ADAM19: variants seen among roughly 807,000 people sequenced by gnomAD.
The protein encoded by ADAM19 is ADAM metallopeptidase domain 19, also known as disintegrin and metalloproteinase domain-containing protein 19.
Under a neutral mutation model 114.7 loss-of-function variants are expected in ADAM19, and 65 were observed. The ratio of observed to expected loss-of-function variants is 0.57; its 90% confidence interval spans 0.46 to 0.70. ADAM19 has a LOEUF of 0.70. Ranked by LOEUF, ADAM19 falls within the 30% of genes least tolerant of loss-of-function variation. The pLI, the probability that ADAM19 is intolerant of heterozygous loss-of-function variation, is 0.00. For missense variants in ADAM19, 1,063 were observed against 1,204.7 expected, an observed-to-expected ratio of 0.88 and a Z score of 1.74; for synonymous variants, 466 against 460.5, an observed-to-expected ratio of 1.01 and a Z score of -0.15.
At chr5:157,531,324 A>G (rs1756618019) in intron 4 of ADAM19, among the ~76,000 whole-genome samples, 1 of 152,306 alleles carries the variant, frequency 6.6e-6, no homozygotes, top group Admixed American at 6.5e-5. Context: ...CCACCTCAGA[A>G]TGTGATTTAT....
chr5:157,490,661 C>T (rs1476062090), intron 18 of ADAM19, among the ~76,000 whole-genome samples: 3 of 152,056 alleles, frequency 2.0e-5, no homozygotes, highest in Non-Finnish European at 2.9e-5. Context: ...TGGGAGGCCG[C>T]GGTCAGCAGA....
intron 11 of ADAM19, among the ~76,000 whole-genome samples, chr5:157,503,989 T>TAAA (rs1397060318): frequency 1.3e-5 from 2 of 152,186 alleles, no homozygotes; most frequent in African/African-American, 4.8e-5. Context: ...CTAAACCAAT[T>TAAA]AAAGGTTAAA....
At position 157,478,854 on chromosome 5, in the gene ADAM19, C is replaced by G; in HGVS notation, c.*2095G>C. On this transcript the variant is annotated 3_prime_UTR_variant, in exon 23 of 23. Coordinates refer to ENST00000257527, the MANE Select transcript of ADAM19 (RefSeq NM_033274.5). ...GGGTGGACTGCAGGTTCAGATGGCTCATGCAGTCACTATGGCTGTGGCGCT... is the reference window on the plus strand; with the variant it reads ...GGGTGGACTGCAGGTTCAGATGGCTGATGCAGTCACTATGGCTGTGGCGCT... 1 of 985,822 alleles carries G rather than the reference C, an allele frequency of 1.0e-6. No individual in the cohort carries two copies. Among genetic ancestry groups the G allele is most frequent in the Non-Finnish European group, 1.2e-6 (1 of 829,940 alleles). 61.1% of individuals were successfully genotyped at this position (985,822 alleles called of 1,614,324 possible).
intron 2 of ADAM19, among the ~76,000 whole-genome samples, chr5:157,570,089 ATCTCT>A (rs1354888593): frequency 6.6e-6 from 1 of 152,116 alleles, no homozygotes; most frequent in African/African-American, 2.4e-5. Flanking sequence ...GTGAAAACCC[ATCTCT>A]ACTAAAAATA....
intron 19 of ADAM19, 114 bp downstream of exon 19, chr5:157,490,196 A>C: frequency 2.5e-6 from 3 of 1,201,886 alleles, no homozygotes; most frequent in Non-Finnish European, 3.6e-6. Flanking sequence ...TGTATCTTGC[A>C]CTTGTCTTCC....
chr5:157,505,837 G>T (rs1284846643), intron 10 of ADAM19, 29 bp from the exon 11 acceptor site: 2 of 1,608,346 alleles, frequency 1.2e-6, no homozygotes, highest in Non-Finnish European at 8.5e-7. Flanking sequence ...TGAGGTCAAG[G>T]TCAAGGGGAC....
intron 21 of ADAM19, among the ~76,000 whole-genome samples, chr5:157,487,766 G>C (rs1754992275): frequency 6.6e-6 from 1 of 152,166 alleles, no homozygotes; most frequent in South Asian, 2.1e-4. Context: ...ATCAGTAGAA[G>C]GTACCAATAG....
At chr5:157,572,906 TG>T (rs765824256) in intron 1 of ADAM19, among the ~76,000 whole-genome samples, 12 of 151,958 alleles carry the variant, frequency 7.9e-5, no homozygotes, top group Non-Finnish European at 1.8e-4. Flanking sequence ...GAAAATTAGC[TG>T]GGTGTGGTGG....
rs1323303488 is a variant in ADAM19, at chr5:157,479,268, A to G, written c.*1681T>C. 2.0e-6 allele frequency: 2 copies of G among 985,714 alleles called. No individual in the cohort carries two copies. The highest frequency in any genetic ancestry group is 1.1e-4 in the East Asian group (1 of 8,822). The allele number at this position is 985,714 out of a possible 1,614,324, so 61.1% of individuals were successfully genotyped here. A position where few individuals can be genotyped will look rare whatever the true frequency, so the allele number is the denominator to read the frequency against. On this transcript the variant is annotated 3_prime_UTR_variant, in exon 23 of 23. Coordinates refer to ENST00000257527, the MANE Select transcript of ADAM19 (RefSeq NM_033274.5). ...ATCCCGTATTTTCCACTTATTTCCA[A>G]ACCCAAGAACATCCAAGAAGCACCT...
chr5:157,541,753 T>C (rs1756925294), intron 3 of ADAM19, among the ~76,000 whole-genome samples: 1 of 152,198 alleles, frequency 6.6e-6, no homozygotes, highest in Admixed American at 6.5e-5. Flanking sequence ...AAGTTCTATT[T>C]ATCGTCAGAC....
chr5:157,542,406 G>A (rs1171662437), intron 3 of ADAM19, among the ~76,000 whole-genome samples: 1 of 152,180 alleles, frequency 6.6e-6, no homozygotes, highest in South Asian at 2.1e-4. Context: ...ACCCAGCATA[G>A]AGGGAAAGTC....
chr5:157,479,809 C>G lies in ADAM19; in HGVS notation c.*1140G>C. Reference sequence around the variant, plus strand: ...CTCTGCTCAGAGGGCAACGGTCCAGCCCGAAGTCAATGACCAGCCTGCTCC... The same window carrying G: ...CTCTGCTCAGAGGGCAACGGTCCAGGCCGAAGTCAATGACCAGCCTGCTCC... On this transcript the variant is annotated 3_prime_UTR_variant, in exon 23 of 23. Coordinates refer to ENST00000257527, the MANE Select transcript of ADAM19 (RefSeq NM_033274.5). The G allele has an allele frequency of 1.0e-6, 1 of 985,554 alleles. No individual in the cohort carries two copies. Among genetic ancestry groups the G allele is most frequent in the Non-Finnish European group, 1.2e-6 (1 of 829,992 alleles). The allele number at this position is 985,554 out of a possible 1,614,324, so 61.1% of individuals were successfully genotyped here.
chr5:157,527,205 CT>C (rs1229921423), intron 5 of ADAM19, among the ~76,000 whole-genome samples: 3 of 151,788 alleles, frequency 2.0e-5, no homozygotes, highest in Non-Finnish European at 2.9e-5. Flanking sequence ...GAAACTGACA[CT>C]TTTTTTTGTT....
chr5:157,491,588 C>A, intron 18 of ADAM19, 27 bp downstream of exon 18: 1 of 1,436,558 alleles, frequency 7.0e-7, no homozygotes, highest in Non-Finnish European at 9.2e-7. Context: ...CAAAAGCGGG[C>A]AGTGGCCCCA....
In ADAM19 at chr5:157,507,062, G is replaced by T; in HGVS notation, c.984C>A (p.Val328=). The T allele has an allele frequency of 1.2e-6, 2 of 1,614,008 alleles. No individual in the cohort carries two copies. Among genetic ancestry groups the T allele is most frequent in the South Asian group, 2.2e-5 (2 of 91,052 alleles). The change falls in exon 10 of 23, where the codon GTC becomes GTA. Residue 328 remains valine (V), a synonymous_variant. Coordinates refer to ENST00000257527, the MANE Select transcript of ADAM19 (RefSeq NM_033274.5). ...CACACGGGCTGAGACTCACCATGTT[G>T]ACTCCTCCAGACTGGTACACAGAGC... ...AMCSVYQSGG[V]NMDHSENAIG...
At chr5:157,515,342 T>A (rs1209475659) in intron 7 of ADAM19, among the ~76,000 whole-genome samples, 1 of 152,212 alleles carries the variant, frequency 6.6e-6, no homozygotes, top group Non-Finnish European at 1.5e-5. Flanking sequence ...TTCAAAAAAA[T>A]ATTAATCTTC....
intron 9 of ADAM19, 74 bp from the exon 10 acceptor site, chr5:157,507,214 G>A: frequency 1.4e-6 from 2 of 1,451,706 alleles, no homozygotes; most frequent in Non-Finnish European, 1.9e-6. Context: ...GGGAGTAAGT[G>A]GCCATCACGG....
At chr5:157,507,238 C>T (rs922874009) in intron 9 of ADAM19, 98 bp from the exon 10 acceptor site, 34 of 1,204,356 alleles carry the variant, frequency 2.8e-5, no homozygotes, top group African/African-American at 9.0e-5. Flanking sequence ...TCCCTGGACC[C>T]GCTGACTTTC....
At chr5:157,486,984 G>C (rs1031517602) in intron 21 of ADAM19, among the ~76,000 whole-genome samples, 10 of 152,216 alleles carry the variant, frequency 6.6e-5, no homozygotes, top group Middle Eastern at 3.4e-3. Flanking sequence ...GAAAGGCCTC[G>C]TGAGAACACA....
Sources: gnomAD v4.1 joint callset for allele counts (sites outside exome capture counted in the v4.1 genomes callset) on GRCh38, gnomAD v4.1.1 for gene constraint, MANE v1.5 for transcripts, NCBI Gene and HGNC (gene_info 2026-07-23, HGNC 2026-07-21) for gene names.